The following MAPK13 variants were observed in gnomAD, a reference collection of about 807,000 sequenced individuals.
MAPK13 encodes the protein MAP kinase 13.
MAPK13 carries 39 observed loss-of-function variants against 53.5 expected under a neutral mutation model. The ratio of observed to expected loss-of-function variants is 0.73; its 90% CI spans 0.56 to 0.95. The LOEUF is 0.95. MAPK13 is among the 40% of genes least tolerant of loss of function. The pLI is 0.00. For missense variants in MAPK13, 460 were observed against 471.8 expected (o/e 0.98, Z 0.23); for synonymous variants, 179 against 190.9 (o/e 0.94, Z 0.51).
chr6:36,138,232 G>C (rs1452847342), intron 8 of MAPK13, 133 bp from the exon 9 acceptor site: 2 of 673,226 alleles, frequency 3.0e-6, no homozygotes, highest in African/African-American at 1.8e-5. Context: ...CCTGAGAGCA[G>C]GAGGTGGTTA....
Position 36,131,333 on chromosome 6 carries a change from A to T in MAPK13, c.182A>T (p.Gln61Leu). The change falls in exon 2 of 12, where the codon CAG becomes CTG. Residue 61 changes from glutamine to leucine, a missense_variant. Coordinates refer to ENST00000211287, the MANE Select transcript of MAPK13 (RefSeq NM_002754.5). ...ATCAAGAAGCTGAGCCGACCCTTTC[A>T]GTCCGAGATCTTCGCCAAGCGCGCC... ...VAIKKLSRPF[Q>L]SEIFAKRAYR... is the part of the protein sequence containing the mutation. 1 of 1,613,688 alleles carries T rather than the reference A, an allele frequency of 6.2e-7. No individual in the cohort carries two copies. Among genetic ancestry groups the T allele is most frequent in the South Asian group, 1.1e-5 (1 of 91,066 alleles).
At chr6:36,131,586 G>A (rs1339164628) in intron 2 of MAPK13, among the ~76,000 whole-genome samples, 186 bp downstream of exon 2, 1 of 152,210 alleles carries the variant, frequency 6.6e-6, no homozygotes, top group Admixed American at 6.5e-5. Flanking sequence ...CCAGGAAGAG[G>A]TCAAAGGGTA....
rs1236903702 is a variant in MAPK13 at position 36,130,717 on chromosome 6, C to A, written c.119+16C>A. On this transcript the variant is annotated intron_variant, in intron 1 of 11. Transcript: ENST00000211287. The surrounding 1 kb of genome is among the most constrained non-coding windows in gnomAD (Gnocchi z 4.5). ...GCTCCGTGTGGTGAGACCCCTGGGCCGCTGGGGGGCGGGGGGCGGGCGCCA... is the reference window on the plus strand; with the variant it reads ...GCTCCGTGTGGTGAGACCCCTGGGCAGCTGGGGGGCGGGGGGCGGGCGCCA... 3.0e-6 allele frequency: 2 copies of A among 673,176 alleles called. No homozygotes were observed. The highest frequency in any genetic ancestry group is 2.2e-6 in the Non-Finnish European group (1 of 453,380). The allele number at this position is 673,176 out of a possible 1,614,324, so 41.7% of individuals were successfully genotyped here. A position where few individuals can be genotyped will look rare whatever the true frequency, so the allele number is the denominator to read the frequency against.
At position 36,139,709 on chromosome 6, in the gene MAPK13, G is replaced by A. The variant is rs926535564; in HGVS notation, c.*336G>A. Reference sequence around the variant, plus strand: ...GTTGGTTTCCTAGGGATGCTCTAACGAATTACCACAAACCTGGTGGATTGA... The same window carrying A: ...GTTGGTTTCCTAGGGATGCTCTAACAAATTACCACAAACCTGGTGGATTGA... On this transcript the variant is annotated 3_prime_UTR_variant, in exon 12 of 12. Coordinates refer to ENST00000211287, the MANE Select transcript of MAPK13 (RefSeq NM_002754.5). The A allele has an allele frequency of 4.3e-5, 12 of 282,294 alleles. No homozygotes were observed. Among genetic ancestry groups the A allele is most frequent in the African/African-American group, 2.4e-4 (11 of 45,348 alleles). The allele number at this position is 282,294 out of a possible 1,614,324, so 17.5% of individuals were successfully genotyped here. A position where few individuals can be genotyped will look rare whatever the true frequency, so the allele number is the denominator to read the frequency against.
rs1766492327 is a variant in MAPK13, at chr6:36,139,541, T to TG, written c.*171dup. 9 of 608,178 alleles carry TG rather than the reference T, an allele frequency of 1.5e-5. No homozygotes were observed. In the East Asian group the frequency reaches 2.5e-4, roughly 17 times the overall value. 37.7% of individuals were successfully genotyped at this position (608,178 alleles called of 1,614,324 possible). A position where few individuals can be genotyped will look rare whatever the true frequency, so the allele number is the denominator to read the frequency against. ...AGATGCAGAATTCAAAGATGTCGGT[T>TG]GGGAGAAACTAGCTCTGATCCTAAC... On this transcript the variant is annotated 3_prime_UTR_variant, in exon 12 of 12. Coordinates refer to ENST00000211287, the MANE Select transcript of MAPK13 (RefSeq NM_002754.5).
At chr6:36,136,448 C>T (rs1164717216) in intron 5 of MAPK13, 36 bp from the exon 6 acceptor site, 3 of 1,538,340 alleles carry the variant, frequency 2.0e-6, no homozygotes, top group Non-Finnish European at 2.6e-6. Flanking sequence ...TCCATCTCTG[C>T]CTCAGCCTAG....
intron 4 of MAPK13, 35 bp downstream of exon 4, chr6:36,135,896 C>T (rs892944636): frequency 1.9e-6 from 3 of 1,598,568 alleles, no homozygotes; most frequent in Non-Finnish European, 2.6e-6. Context: ...AGAGGGGACG[C>T]CTTGCTGTCT....
At chr6:36,133,828 G>A (rs1766364843) in intron 3 of MAPK13, among the ~76,000 whole-genome samples, 1 of 152,164 alleles carries the variant, frequency 6.6e-6, no homozygotes, top group Admixed American at 6.5e-5. Context: ...CCAAGAGGAT[G>A]AGCAGATGGA....
intron 3 of MAPK13, among the ~76,000 whole-genome samples, chr6:36,134,416 G>C (rs1179327580): frequency 6.6e-6 from 1 of 152,168 alleles, no homozygotes; most frequent in South Asian, 2.1e-4. Context: ...TTATATTCTA[G>C]AGATAGGGCT....
chr6:36,134,598 A>C (rs1456315389), intron 3 of MAPK13, among the ~76,000 whole-genome samples: 5 of 151,862 alleles, frequency 3.3e-5, no homozygotes, highest in African/African-American at 9.7e-5. Context: ...GGGTCTCACT[A>C]TGTTACTCAT....
At chr6:36,139,142 C>T in intron 11 of MAPK13, 87 bp downstream of exon 11, 3 of 1,445,848 alleles carry the variant, frequency 2.1e-6, no homozygotes, top group Non-Finnish European at 1.9e-6. Flanking sequence ...CCTCTGCCAG[C>T]CCTACCTGCC....
In MAPK13 at chr6:36,138,674, AGGGGTTTGAT is replaced by A. The variant is rs764936367; in HGVS notation, c.763-26_763-17del. The A allele has an allele frequency of 6.2e-7, 1 of 1,605,708 alleles. No homozygotes were observed. Among genetic ancestry groups the A allele is most frequent in the African/African-American group, 1.3e-5 (1 of 74,846 alleles). On this transcript the variant is annotated intron_variant, in intron 9 of 11. Transcript: ENST00000211287. ...TCTACACGCTGAGGCCAGAGCCCTA[AGGGGTTTGAT>A]GCTTTTCTGTCTTCCAGGCCAAATC...
Position 36,131,011 on chromosome 6 carries a change from G to A in MAPK13, c.120-260G>A, listed in dbSNP as rs1332842358. ...AGGCCCCAAGAGGGGGAGGTGGCTCGCCAAGTTGCAGACAGAGTGAGACTC... is the reference window on the plus strand; with the variant it reads ...AGGCCCCAAGAGGGGGAGGTGGCTCACCAAGTTGCAGACAGAGTGAGACTC... On this transcript the variant is annotated intron_variant, in intron 1 of 11. Coordinates refer to ENST00000211287, the MANE Select transcript of MAPK13 (RefSeq NM_002754.5). 6 of 522,564 alleles carry A rather than the reference G, an allele frequency of 1.1e-5. No homozygotes were observed. In the Admixed American group the frequency reaches 1.4e-4, roughly 12 times the overall value. 32.4% of individuals were successfully genotyped at this position (522,564 alleles called of 1,614,324 possible).
At chr6:36,136,416 T>A in intron 5 of MAPK13, 68 bp from the exon 6 acceptor site, 14 of 1,355,598 alleles carry the variant, frequency 1.0e-5, no homozygotes, top group Non-Finnish European at 1.4e-5. Context: ...CACCCCTGGG[T>A]GGTGGTGGAG....
chr6:36,135,651 T>A, intron 3 of MAPK13, 102 bp from the exon 4 acceptor site: 1 of 719,834 alleles, frequency 1.4e-6, no homozygotes, highest in Non-Finnish European at 2.4e-6. Flanking sequence ...CACTGGAGGG[T>A]GTCTCTATGA....
In MAPK13 at chr6:36,132,672, T is replaced by G; in HGVS notation, c.301T>G (p.Tyr101Asp). 1.2e-6 allele frequency: 2 copies of G among 1,614,238 alleles called. No homozygotes were observed. The highest frequency in any genetic ancestry group is 1.7e-6 in the Non-Finnish European group (2 of 1,180,034). ...FTPASSLRNF[Y>D]DFYLVMPFMQ... is the part of the protein sequence containing the mutation. ...CCCAGCCTCCTCCCTGCGCAACTTC[T>G]ATGACTTGTGAGTTGGGCTGCACTG... is the stretch of plus-strand genomic sequence containing the variant. Residue 101 changes from tyrosine (Y) to aspartate (D), a missense_variant, in exon 3 of 12, where the codon TAT (tyrosine) becomes GAT (aspartate). Tyr to Asp is a radical substitution (Grantham distance 160, BLOSUM62 -3). Transcript: ENST00000211287.
intron 2 of MAPK13, among the ~76,000 whole-genome samples, chr6:36,132,091 T>C (rs977967416): frequency 6.6e-6 from 1 of 152,252 alleles, no homozygotes; most frequent in African/African-American, 2.4e-5. Context: ...CAAAATGTTA[T>C]GTACATTTTA....
At chr6:36,139,108 T>C in intron 11 of MAPK13, 53 bp downstream of exon 11, 1 of 1,526,234 alleles carries the variant, frequency 6.6e-7, no homozygotes, top group Non-Finnish European at 8.8e-7. Flanking sequence ...CTCTCTTCCT[T>C]GCTTCCTCCA....
In MAPK13 at chr6:36,138,889, G is replaced by A. The variant is rs1202329754; in HGVS notation, c.852G>A (p.Leu284=). Residue 284 remains leucine (L), a synonymous_variant, in exon 11 of 12, where the codon CTG becomes CTA. Coordinates refer to ENST00000211287, the MANE Select transcript of MAPK13 (RefSeq NM_002754.5). ...FPRASPQAAD[L]LEKMLELDVD... is the part of the protein sequence containing the mutation. ...GCTCTGCCCCTGCAGCTGCGGACCTGCTGGAGAAGATGCTGGAGCTAGACG... is the reference window on the plus strand; with the variant it reads ...GCTCTGCCCCTGCAGCTGCGGACCTACTGGAGAAGATGCTGGAGCTAGACG... The A allele has an allele frequency of 6.2e-7, 1 of 1,610,454 alleles. No homozygotes were observed. The highest frequency in any genetic ancestry group is 1.3e-5 in the African/African-American group (1 of 74,808).
Sources: gnomAD v4.1 joint callset for allele counts (sites outside exome capture counted in the v4.1 genomes callset) on GRCh38, gnomAD v4.1.1 for gene constraint, Gnocchi (gnomAD v3.1) non-coding constraint, MANE v1.5 for transcripts, NCBI Gene and HGNC (gene_info 2026-07-23, HGNC 2026-07-21) for gene names.